The following SLC7A14 variants were observed in gnomAD, a reference collection of about 807,000 sequenced individuals.
SLC7A14 encodes the protein gamma-aminobutyric acid transporter SLC7A14.
Under a neutral mutation model 60.2 loss-of-function variants are expected in SLC7A14, and 37 were observed. The observed-to-expected ratio is 0.61, with a 90% CI of 0.47 to 0.81. SLC7A14 has a LOEUF of 0.81. Among genes scored for constraint, SLC7A14 ranks in the 30% least tolerant of loss-of-function variants. The pLI, the probability that SLC7A14 is intolerant of heterozygous loss-of-function variation, is 0.00. For synonymous variants in SLC7A14, 399 were observed against 395.8 expected (o/e 1.01, Z -0.10); for missense variants, 886 against 982.7 (o/e 0.90, Z 1.32).
At chr3:170,485,200 C>T (rs1350215877) in intron 5 of SLC7A14, among the ~76,000 whole-genome samples, 1 of 152,136 alleles carries the variant, frequency 6.6e-6, no homozygotes, top group African/African-American at 2.4e-5. Context: ...TTGAGGCACC[C>T]ATAAAACCTC....
At chr3:170,526,519 A>G (rs768269110) in intron 2 of SLC7A14, 114 bp downstream of exon 2, 6 of 1,318,636 alleles carry the variant, frequency 4.6e-6, no homozygotes, top group Non-Finnish European at 6.2e-6. Context: ...ATGATGATCC[A>G]CTTTTCTGCC....
intron 1 of SLC7A14, among the ~76,000 whole-genome samples, chr3:170,573,389 C>T (rs1560284888): frequency 1.3e-5 from 2 of 152,322 alleles, no homozygotes; most frequent in East Asian, 3.9e-4. Flanking sequence ...AGTTCATCCA[C>T]AATTAAACAA....
chr3:170,526,724 C>T lies in SLC7A14; in HGVS notation c.213G>A (p.Met71Ile). The T allele has an allele frequency of 2.5e-6, 4 of 1,614,262 alleles. No individual in the cohort carries two copies. Among genetic ancestry groups the T allele is most frequent in the Non-Finnish European group, 3.4e-6 (4 of 1,180,046 alleles). ...LGVGSCVGTG[M>I]YVVSGLVAKE... ...TGGCCACCAGGCCAGAGACCACATA[C>T]ATGCCAGTGCCCACACAGCTGCCAA... The change falls in exon 2 of 8, where the codon ATG (methionine) becomes ATA (isoleucine). Residue 71 changes from methionine (M) to isoleucine (I), a missense_variant. Physicochemically the swap from Met to Ile is conservative, Grantham distance 10. Coordinates refer to ENST00000231706, the MANE Select transcript of SLC7A14 (RefSeq NM_020949.3).
At chr3:170,567,193 G>A (rs1180630360) in intron 1 of SLC7A14, among the ~76,000 whole-genome samples, 2 of 130,800 alleles carry the variant, frequency 1.5e-5, no homozygotes, top group African/African-American at 2.9e-5. Context: ...AGAATGTGAT[G>A]TTCCCCTTCC....
In SLC7A14 at chr3:170,467,322, A is replaced by G. The variant is rs947603390; in HGVS notation, c.2049T>C (p.Ala683=). ...GIWNSTLEIS[A]REEALHQSTY... The stretch of plus-strand genomic sequence containing the variant: ...TGCTTTGGTGCAGGGCCTCTTCTCG[A>G]GCGCTGATTTCCAGGGTGCTGTTCC... Residue 683 remains alanine (A), a synonymous_variant, in exon 8 of 8, where the codon GCT becomes GCC. Transcript: ENST00000231706. The G allele has an allele frequency of 6.2e-7, 1 of 1,613,394 alleles. No homozygotes were observed. Among genetic ancestry groups the G allele is most frequent in the Admixed American group, 1.7e-5 (1 of 59,922 alleles).
At chr3:170,538,599 C>T (rs1020424139) in intron 1 of SLC7A14, among the ~76,000 whole-genome samples, 11 of 152,214 alleles carry the variant, frequency 7.2e-5, no homozygotes, top group Non-Finnish European at 1.5e-4. Context: ...CACACCCAGC[C>T]TCACTCTACT....
Position 170,526,910 on chromosome 3 carries a change from G to A in SLC7A14, c.27C>T (p.Asp9=). The change falls in exon 2 of 8, where the codon GAC becomes GAT. Residue 9 remains aspartate, a synonymous_variant. Transcript: ENST00000231706. MSGFFTSL[D]PRRVQWGAAW... The stretch of plus-strand genomic sequence containing the variant: ...CAGCTCCCCACTGCACCCGCCGGGG[G>A]TCCAGCGAGGTGAAGAAGCCACTCA... 1 of 1,613,460 alleles carries A rather than the reference G, an allele frequency of 6.2e-7. No individual in the cohort carries two copies. Among genetic ancestry groups the A allele is most frequent in the Non-Finnish European group, 8.5e-7 (1 of 1,179,744 alleles).
At chr3:170,579,898 C>T (rs956766401) in intron 1 of SLC7A14, among the ~76,000 whole-genome samples, 15 of 152,172 alleles carry the variant, frequency 9.9e-5, no homozygotes, top group African/African-American at 3.6e-4. Context: ...ATGCAAGGCC[C>T]TTGGGCTGAT....
rs1739563560 is a variant in SLC7A14 at position 170,460,058 on chromosome 3, A to T, written c.*6997T>A. ...ACATCTGCATATTATTTCTTTCTTC[A>T]TGATACACTACATTGTACAGCACAC... On this transcript the variant is annotated 3_prime_UTR_variant, in exon 8 of 8. Coordinates refer to ENST00000231706, the MANE Select transcript of SLC7A14 (RefSeq NM_020949.3). 1 of 152,184 alleles carries T rather than the reference A, an allele frequency of 6.6e-6. No homozygotes were observed. The highest frequency in any genetic ancestry group is 2.4e-5 in the African/African-American group (1 of 41,450). The allele number at this position is 152,184 out of a possible 1,614,324, so 9.4% of individuals were successfully genotyped here.
intron 7 of SLC7A14, among the ~76,000 whole-genome samples, chr3:170,479,061 G>T (rs552485821): frequency 6.6e-6 from 1 of 152,278 alleles, no homozygotes; most frequent in East Asian, 1.9e-4. Context: ...GGCGGAGGTT[G>T]CAGTGGGCCA....
At chr3:170,539,464 GTATT>G (rs1163109824) in intron 1 of SLC7A14, among the ~76,000 whole-genome samples, 1 of 151,974 alleles carries the variant, frequency 6.6e-6, no homozygotes, top group East Asian at 1.9e-4. Context: ...ACCTATCTGT[GTATT>G]TATCAGTCAT....
chr3:170,526,018 A>G (rs1577537096), intron 2 of SLC7A14, among the ~76,000 whole-genome samples: 1 of 151,950 alleles, frequency 6.6e-6, no homozygotes, highest in Non-Finnish European at 1.5e-5. Flanking sequence ...TGGAGGTTGC[A>G]GTGAGCCGAG....
chr3:170,514,654 C>T (rs185958051), intron 2 of SLC7A14, among the ~76,000 whole-genome samples: 203 of 152,268 alleles, frequency 1.3e-3, no homozygotes, highest in African/African-American at 4.5e-3. Flanking sequence ...GAGTCAAAAG[C>T]GTGCTCTTTG....
chr3:170,502,618 G>A (rs974002529), intron 2 of SLC7A14, among the ~76,000 whole-genome samples: 4 of 152,104 alleles, frequency 2.6e-5, no homozygotes, highest in South Asian at 2.1e-4. Context: ...TCCTAATTTT[G>A]TTAAGGGCCA....
At chr3:170,570,913 G>A (rs1164808614) in intron 1 of SLC7A14, among the ~76,000 whole-genome samples, 2 of 152,218 alleles carry the variant, frequency 1.3e-5, no homozygotes, top group East Asian at 3.9e-4. Context: ...TAGTGGTGAG[G>A]TCTGGGCTTT....
Position 170,483,373 on chromosome 3 carries a change from C to A in SLC7A14, c.1056G>T (p.Gly352=). Reference sequence around the variant, plus strand: ...TGACCCTCGGCATCGGGAAGAGGGACCCCAGCAAGCTGACTGTCAGTCCTG... The same window carrying A: ...TGACCCTCGGCATCGGGAAGAGGGAACCCAGCAAGCTGACTGTCAGTCCTG... ...SVAGLTVSLL[G]SLFPMPRVIY... The change falls in exon 6 of 8, where the codon GGG becomes GGT. Residue 352 remains glycine, a synonymous_variant. Coordinates refer to ENST00000231706, the MANE Select transcript of SLC7A14 (RefSeq NM_020949.3). The A allele has an allele frequency of 1.2e-6, 2 of 1,614,188 alleles. No homozygotes were observed. The highest frequency in any genetic ancestry group is 1.1e-5 in the South Asian group (1 of 91,074).
intron 7 of SLC7A14, among the ~76,000 whole-genome samples, chr3:170,474,920 A>G (rs1711566035): frequency 6.6e-6 from 1 of 152,240 alleles, no homozygotes; most frequent in South Asian, 2.1e-4. Flanking sequence ...ACATTATAAT[A>G]AAAACCCGCA....
intron 1 of SLC7A14, among the ~76,000 whole-genome samples, chr3:170,559,975 C>T (rs191585507): frequency 3.3e-5 from 5 of 152,298 alleles, no homozygotes; most frequent in African/African-American, 1.2e-4. Context: ...AAGATAATCC[C>T]GTAGCTCTTT....
In SLC7A14 at chr3:170,483,396, C is replaced by T; in HGVS notation, c.1033G>A (p.Gly345Arg). Residue 345 changes from glycine to arginine, a missense_variant, in exon 6 of 8, where the codon GGA (glycine) becomes AGA (arginine). By Grantham distance (125) the Gly-to-Arg change is moderately radical (BLOSUM62 -2). Coordinates refer to ENST00000231706, the MANE Select transcript of SLC7A14 (RefSeq NM_020949.3). ...KFVVAIGSVAGLTVSLLGSLF... is the reference protein window; with the variant it reads ...KFVVAIGSVARLTVSLLGSLF... Reference sequence around the variant, plus strand: ...GACCCCAGCAAGCTGACTGTCAGTCCTGCAACCGACCCAATGGCCACTACG... The same window carrying T: ...GACCCCAGCAAGCTGACTGTCAGTCTTGCAACCGACCCAATGGCCACTACG... The T allele has an allele frequency of 1.2e-6, 2 of 1,614,226 alleles. No homozygotes were observed. The highest frequency in any genetic ancestry group is 1.1e-5 in the South Asian group (1 of 91,080).
Sources: allele counts gnomAD v4.1 joint callset (sites outside exome capture counted in the v4.1 genomes callset), GRCh38; gene constraint gnomAD v4.1.1; transcripts MANE v1.5; gene names NCBI Gene and HGNC (gene_info 2026-07-23, HGNC 2026-07-21).